ZZEF1: variants seen among roughly 807,000 people sequenced by gnomAD.
ZZEF1 encodes zinc finger ZZ-type and EF-hand domain containing 1, also known as zinc finger ZZ-type and EF-hand domain-containing protein 1.
A neutral mutation model predicts 342.8 loss-of-function variants in ZZEF1; 157 were observed. That is an observed-to-expected ratio of 0.46 (90% CI 0.40 to 0.52). The LOEUF (loss-of-function observed/expected upper bound fraction) is 0.52. Ranked by LOEUF, ZZEF1 falls within the 20% of genes least tolerant of loss-of-function variation. ZZEF1 has a pLI of 0.00. For missense variants in ZZEF1, 3,480 were observed against 3,725.6 expected, an observed-to-expected ratio of 0.93 and a Z score of 1.72; for synonymous variants, 1,505 against 1,429.1, an observed-to-expected ratio of 1.05 and a Z score of -1.20.
At position 4,088,744 on chromosome 17, in the gene ZZEF1, C is replaced by A. The variant is rs771471349; in HGVS notation, c.2175G>T (p.Glu725Asp). 1 of 1,614,234 alleles carries A rather than the reference C, an allele frequency of 6.2e-7. No homozygotes were observed. The highest frequency in any genetic ancestry group is 1.1e-5 in the South Asian group (1 of 91,086). The change falls in exon 13 of 55, where the codon GAG becomes GAT. Residue 725 changes from glutamate to aspartate, a missense_variant. Around this residue, in one of 5 missense-constraint regions of ZZEF1, gnomAD observed 1,528 missense variants for 1,624.1 expected, o/e 0.94. Coordinates refer to ENST00000381638, the MANE Select transcript of ZZEF1 (RefSeq NM_015113.4). ...TCAHCRKDTE[E>D]SVCGATLLLR... ...GGAGCAACGTGGCCCCACAGACACT[C>A]TCCTCTGTGTCCTTTCTGCAGTGTG...
intron 11 of ZZEF1, among the ~76,000 whole-genome samples, chr17:4,094,614 C>T (rs2058001671): frequency 6.6e-6 from 1 of 152,206 alleles, no homozygotes. Flanking sequence ...AGAACAAAAT[C>T]TGAGCTCATC....
At chr17:4,010,487 A>C (rs1200369428) in intron 52 of ZZEF1, among the ~76,000 whole-genome samples, 1 of 152,000 alleles carries the variant, frequency 6.6e-6, no homozygotes, top group Non-Finnish European at 1.5e-5. Context: ...TTGGGAGGCC[A>C]AGGCAGGCGG....
chr17:4,124,658 A>G (rs972374418), intron 1 of ZZEF1, among the ~76,000 whole-genome samples: 2 of 137,758 alleles, frequency 1.5e-5, no homozygotes, highest in Non-Finnish European at 3.1e-5. Context: ...GGGTTTCTCC[A>G]TGTTGGCCAG....
chr17:4,064,715 G>A lies in ZZEF1; in HGVS notation c.4364C>T (p.Pro1455Leu). Residue 1455 changes from proline to leucine, a missense_variant, in exon 29 of 55, where the codon CCA becomes CTA. Physicochemically the swap from Pro to Leu is moderately conservative, Grantham distance 98. Coordinates refer to ENST00000381638, the MANE Select transcript of ZZEF1 (RefSeq NM_015113.4). Reference protein sequence around the residue: ...ETADETSHLQPLNKRQRTSSV... With the variant: ...ETADETSHLQLLNKRQRTSSV... ...GCTTGTCCTCTGACGCTTGTTGAGT[G>A]GCTGGAGATGACTGGTTTCATCAGC... 3.7e-6 allele frequency: 6 copies of A among 1,614,178 alleles called. No homozygotes were observed. Among genetic ancestry groups the A allele is most frequent in the Non-Finnish European group, 4.2e-6 (5 of 1,180,032 alleles).
chr17:4,087,995 G>T (rs575441254), intron 13 of ZZEF1, among the ~76,000 whole-genome samples: 58 of 152,194 alleles, frequency 3.8e-4, no homozygotes, highest in African/African-American at 1.4e-3. Context: ...CTTCTTATTT[G>T]CTCTTTTCTA....
intron 6 of ZZEF1, among the ~76,000 whole-genome samples, chr17:4,106,454 T>G (rs530423453): frequency 2.7e-5 from 4 of 150,732 alleles, no homozygotes; most frequent in Non-Finnish European, 5.9e-5. Context: ...GAAAATTTAT[T>G]TTATAATTTG....
chr17:4,067,058 A>G, intron 27 of ZZEF1, 105 bp downstream of exon 27: 1 of 952,338 alleles, frequency 1.1e-6, no homozygotes, highest in Non-Finnish European at 1.6e-6. Context: ...GCTTAACAAA[A>G]ATCCTAAAGC....
At chr17:4,032,093 C>T in intron 42 of ZZEF1, 33 bp downstream of exon 42, 1 of 1,598,096 alleles carries the variant, frequency 6.3e-7, no homozygotes, top group Admixed American at 1.8e-5. Flanking sequence ...CATTTTTCTT[C>T]CATTCTTAGA....
rs201354973 is a variant in ZZEF1, at chr17:4,024,981, C to G, written c.7030G>C (p.Glu2344Gln). Residue 2344 changes from glutamate to glutamine, a missense_variant, in exon 43 of 55, where the codon GAG becomes CAG. By Grantham distance (29) the Glu-to-Gln change is conservative (BLOSUM62 2). This residue lies in a region of ZZEF1 where 1,269 missense variants were observed against 1,342.4 expected (regional missense o/e 0.95). Transcript: ENST00000381638. ...LQSSMDSHCP[E>Q]AVEATWVLSL... is the part of the protein sequence containing the mutation. ...AGGACCCAAGTTGCTTCTACTGCCT[C>G]GGGACAATGGCTGTCCATGCTGCTT... 1 of 1,614,178 alleles carries G rather than the reference C, an allele frequency of 6.2e-7. No homozygotes were observed. The highest frequency in any genetic ancestry group is 2.2e-5 in the East Asian group (1 of 44,880).
At position 4,024,185 on chromosome 17, in the gene ZZEF1, G is replaced by GTTT. The variant is rs1491483468; in HGVS notation, c.7092+733_7092+734insAAA. On this transcript the variant is annotated intron_variant, in intron 43 of 54. Coordinates refer to ENST00000381638, the MANE Select transcript of ZZEF1 (RefSeq NM_015113.4). ...TCATCTCCATGCCAAATATTGCCCAGGTTTTTTTTTTTTTTTTTTTTTTTT... is the reference window on the plus strand; with the variant it reads ...TCATCTCCATGCCAAATATTGCCCAGTTTGTTTTTTTTTTTTTTTTTTTTTTTT... 3.3e-3 allele frequency among the ~76,000 whole-genome samples: 275 copies of GTTT among 83,940 alleles called. 10 individuals carry two copies. The highest frequency in any genetic ancestry group is 0.019 in the African/African-American group (261 of 14,050). 55.1% of individuals were successfully genotyped at this position (83,940 alleles called of 152,430 possible).
At chr17:4,047,015 A>G (rs1045537307) in intron 37 of ZZEF1, among the ~76,000 whole-genome samples, 2 of 152,210 alleles carry the variant, frequency 1.3e-5, no homozygotes, top group African/African-American at 4.8e-5. Flanking sequence ...ACTCAGGTTC[A>G]GTTGTGGGGA....
chr17:4,125,658 C>T (rs997369769), intron 1 of ZZEF1, among the ~76,000 whole-genome samples: 1 of 152,112 alleles, frequency 6.6e-6, no homozygotes, highest in African/African-American at 2.4e-5. Flanking sequence ...TCTGACTAGA[C>T]CCAATCAAGA....
At chr17:4,142,069 G>A (rs886259063) in intron 1 of ZZEF1, among the ~76,000 whole-genome samples, 13 of 152,290 alleles carry the variant, frequency 8.5e-5, no homozygotes, top group African/African-American at 2.9e-4. Flanking sequence ...TGCATGAGGA[G>A]GATAGGTTTT....
chr17:4,045,169 T>C (rs995870318), intron 37 of ZZEF1, among the ~76,000 whole-genome samples: 1 of 118,908 alleles, frequency 8.4e-6, no homozygotes, highest in Non-Finnish European at 2.0e-5. Flanking sequence ...AAAAATAAGA[T>C]AGTAACCATT....
chr17:4,025,599 T>C (rs1029938807), intron 42 of ZZEF1, among the ~76,000 whole-genome samples: 5 of 151,886 alleles, frequency 3.3e-5, no homozygotes, highest in African/African-American at 7.3e-5. Flanking sequence ...GGAGAATCAC[T>C]TGAACCCAGG....
At chr17:4,132,964 T>A (rs1367855270) in intron 1 of ZZEF1, among the ~76,000 whole-genome samples, 2 of 147,756 alleles carry the variant, frequency 1.4e-5, no homozygotes, top group Non-Finnish European at 3.0e-5. Flanking sequence ...AGACTCCATC[T>A]CAAAAAAAAA....
At chr17:4,077,786 C>CAT (rs1309398786) in intron 19 of ZZEF1, 97 bp downstream of exon 19, 2 of 1,276,050 alleles carry the variant, frequency 1.6e-6, no homozygotes, top group Non-Finnish European at 2.2e-6. Context: ...TGAAGAAAGC[C>CAT]ATATGCACAC....
In ZZEF1 at chr17:4,021,111, G is replaced by A. The variant is rs2144981894; in HGVS notation, c.7404+18C>T. On this transcript the variant is annotated intron_variant, in intron 45 of 54. Coordinates refer to ENST00000381638, the MANE Select transcript of ZZEF1 (RefSeq NM_015113.4). ...CTCAGAAGCCCCTCCTAAGCCACAAGATGACTCAAGAACACACCAAGAAAC... is the reference window on the plus strand; with the variant it reads ...CTCAGAAGCCCCTCCTAAGCCACAAAATGACTCAAGAACACACCAAGAAAC... The A allele has an allele frequency of 6.3e-7, 1 of 1,579,194 alleles. No homozygotes were observed. The highest frequency in any genetic ancestry group is 8.6e-7 in the Non-Finnish European group (1 of 1,160,426).
At chr17:4,128,376 T>A (rs1249490158) in intron 1 of ZZEF1, among the ~76,000 whole-genome samples, 2 of 138,006 alleles carry the variant, frequency 1.4e-5, no homozygotes, top group African/African-American at 2.7e-5. Flanking sequence ...AAAAGACAAC[T>A]AGGAGAAAAG....
Sources: allele counts gnomAD v4.1 joint callset (sites outside exome capture counted in the v4.1 genomes callset), GRCh38; gene constraint gnomAD v4.1.1; regional missense constraint gnomAD v4.1.1; transcripts MANE v1.5; gene names NCBI Gene and HGNC (gene_info 2026-07-23, HGNC 2026-07-21).